The following CELF4 variants were observed in gnomAD, a reference collection of about 807,000 sequenced individuals.
The protein encoded by CELF4 is CUG-BP- and ETR-3-like factor 4.
CELF4 carries 18 observed loss-of-function variants against 59.9 expected under a neutral mutation model. The observed-to-expected ratio is 0.30, with a 90% CI of 0.21 to 0.45. CELF4 has a LOEUF of 0.45. Ranked by LOEUF, CELF4 falls within the 20% of genes least tolerant of loss-of-function variation. The pLI, the probability that CELF4 is intolerant of heterozygous loss-of-function variation, is 1.00. For missense variants in CELF4, 456 were observed against 689.0 expected (o/e 0.66, Z 3.79); for synonymous variants, 261 against 267.1 (o/e 0.98, Z 0.22).
chr18:37,370,896 G>A (rs2098855184), intron 2 of CELF4, among the ~76,000 whole-genome samples: 1 of 152,138 alleles, frequency 6.6e-6, no homozygotes. Flanking sequence ...AAACAGCAAA[G>A]AGCAGACTGT....
At chr18:37,383,174 A>T (rs1164250835) in intron 2 of CELF4, among the ~76,000 whole-genome samples, 1 of 152,180 alleles carries the variant, frequency 6.6e-6, no homozygotes, top group East Asian at 1.9e-4. Flanking sequence ...GGCATGAGCC[A>T]CTGTACCCAG....
chr18:37,366,826 C>T (rs2098791252), intron 2 of CELF4, among the ~76,000 whole-genome samples: 1 of 152,172 alleles, frequency 6.6e-6, no homozygotes, highest in Non-Finnish European at 1.5e-5. Flanking sequence ...CATCCAGAGC[C>T]TCCCTGTCTG....
chr18:37,243,908 A>ACGGCGG lies in CELF4; in HGVS notation c.*1328_*1333dup, dbSNP rs376915627. 3.7e-5 allele frequency: 7 copies of ACGGCGG among 187,778 alleles called. No individual in the cohort carries two copies. The highest frequency in any genetic ancestry group is 1.7e-4 in the South Asian group (1 of 5,956). The allele number at this position is 187,778 out of a possible 1,614,324, so 11.6% of individuals were successfully genotyped here. A position where few individuals can be genotyped will look rare whatever the true frequency, so the allele number is the denominator to read the frequency against. On this transcript the variant is annotated 3_prime_UTR_variant, in exon 13 of 13. Transcript: ENST00000420428. The stretch of plus-strand genomic sequence containing the variant: ...CAGAGGGAAGCGAGAGGCGAGGATG[A>ACGGCGG]CGGCGGCGGCGGCGGCGGCGACCCG...
intron 2 of CELF4, among the ~76,000 whole-genome samples, chr18:37,400,463 GA>G (rs2099313034): frequency 6.6e-6 from 1 of 152,206 alleles, no homozygotes; most frequent in South Asian, 2.1e-4. Context: ...TATCTCCAAA[GA>G]AATGTGTTTG....
At chr18:37,478,569 G>A (rs1261829796) in intron 2 of CELF4, among the ~76,000 whole-genome samples, 1 of 152,136 alleles carries the variant, frequency 6.6e-6, no homozygotes, top group Non-Finnish European at 1.5e-5. Flanking sequence ...CAGGGAAGGA[G>A]AAAGTGGGCC....
intron 1 of CELF4, among the ~76,000 whole-genome samples, chr18:37,489,805 G>A (rs1472685069): frequency 6.6e-6 from 1 of 152,180 alleles, no homozygotes; most frequent in Non-Finnish European, 1.5e-5. Context: ...GCTAGAACCG[G>A]GCTCTGAACG....
chr18:37,502,628 G>A (rs1307236051), intron 1 of CELF4, among the ~76,000 whole-genome samples: 1 of 152,118 alleles, frequency 6.6e-6, no homozygotes, highest in African/African-American at 2.4e-5. Flanking sequence ...GGCACCATTG[G>A]GGAGCAAAGG....
At chr18:37,368,209 C>G (rs2098812507) in intron 2 of CELF4, among the ~76,000 whole-genome samples, 1 of 152,134 alleles carries the variant, frequency 6.6e-6, no homozygotes, top group Admixed American at 6.5e-5. Context: ...CTTCCCCTGC[C>G]CCCCAGCCCA....
intron 2 of CELF4, among the ~76,000 whole-genome samples, chr18:37,466,421 G>A (rs1281360671): frequency 1.3e-5 from 2 of 151,994 alleles, no homozygotes; most frequent in Non-Finnish European, 1.5e-5. Flanking sequence ...TTCATGGGGT[G>A]GGGGTGGGGA....
intron 3 of CELF4, among the ~76,000 whole-genome samples, chr18:37,313,881 C>T (rs2096766913): frequency 6.6e-6 from 1 of 152,202 alleles, no homozygotes; most frequent in Non-Finnish European, 1.5e-5. Context: ...TTGTATCCAA[C>T]CTCATTAGCT....
intron 2 of CELF4, among the ~76,000 whole-genome samples, chr18:37,482,938 G>A (rs1488466768): frequency 1.3e-5 from 2 of 152,190 alleles, no homozygotes; most frequent in African/African-American, 4.8e-5. Context: ...CTAAATTGCT[G>A]AGGTTACCAG....
At chr18:37,353,027 C>G (rs919913730) in intron 2 of CELF4, among the ~76,000 whole-genome samples, 2 of 152,012 alleles carry the variant, frequency 1.3e-5, no homozygotes. Context: ...CGAGACCATC[C>G]TGGCTAACAC....
chr18:37,265,412 C>T (rs925823468), intron 9 of CELF4, among the ~76,000 whole-genome samples: 1 of 152,270 alleles, frequency 6.6e-6, no homozygotes, highest in African/African-American at 2.4e-5. Context: ...GACAAGATCA[C>T]CCCACACCAC....
At chr18:37,335,420 T>C (rs1363512352) in intron 2 of CELF4, among the ~76,000 whole-genome samples, 3 of 151,954 alleles carry the variant, frequency 2.0e-5, no homozygotes, top group Non-Finnish European at 4.4e-5. Context: ...GGGAGGTGTG[T>C]GTTGCATGTG....
At chr18:37,413,512 C>G (rs1042372455) in intron 2 of CELF4, among the ~76,000 whole-genome samples, 1 of 152,106 alleles carries the variant, frequency 6.6e-6, no homozygotes, top group Non-Finnish European at 1.5e-5. Flanking sequence ...AATTTTTGTT[C>G]CCACTCCTCC....
At chr18:37,390,852 A>G (rs1260743033) in intron 2 of CELF4, among the ~76,000 whole-genome samples, 2 of 150,016 alleles carry the variant, frequency 1.3e-5, no homozygotes, top group Non-Finnish European at 3.0e-5. Flanking sequence ...CAGCACTGCT[A>G]TTAGTCATCG....
intron 2 of CELF4, among the ~76,000 whole-genome samples, chr18:37,447,534 C>T (rs1221814245): frequency 6.6e-6 from 1 of 152,202 alleles, no homozygotes; most frequent in Non-Finnish European, 1.5e-5. Context: ...GGGAGCGACC[C>T]GTTTTTCTTT....
intron 2 of CELF4, among the ~76,000 whole-genome samples, chr18:37,471,724 G>A (rs1236868764): frequency 6.6e-6 from 1 of 152,176 alleles, no homozygotes; most frequent in African/African-American, 2.4e-5. Context: ...GGAAGCCCCA[G>A]GGGCAGCAGG....
intron 2 of CELF4, among the ~76,000 whole-genome samples, chr18:37,452,603 G>A (rs1482870517): frequency 1.3e-5 from 2 of 152,038 alleles, no homozygotes; most frequent in African/African-American, 2.4e-5. Flanking sequence ...TCTGTGTCAC[G>A]GTGTCTCTGC....
Sources: gnomAD v4.1 joint callset for allele counts (sites outside exome capture counted in the v4.1 genomes callset) on GRCh38, gnomAD v4.1.1 for gene constraint, MANE v1.5 for transcripts, NCBI Gene and HGNC (gene_info 2026-07-23, HGNC 2026-07-21) for gene names.